GLYATL1: variants seen among roughly 807,000 people sequenced by gnomAD.
GLYATL1 encodes the protein glycine-N-acyltransferase like 1.
A neutral mutation model predicts 20.0 loss-of-function variants in GLYATL1; 15 were observed. The observed-to-expected ratio is 0.75, with a 90% CI of 0.50 to 1.15. The LOEUF (loss-of-function observed/expected upper bound fraction) is 1.15, where lower values mean the gene tolerates loss of function less well. Among genes scored for constraint, GLYATL1 ranks in the 50% most tolerant of loss-of-function variants. GLYATL1 has a pLI of 0.00. For missense variants in GLYATL1, 380 were observed against 368.5 expected, an observed-to-expected ratio of 1.03 and a Z score of -0.26; for synonymous variants, 151 against 131.5, an observed-to-expected ratio of 1.15 and a Z score of -1.01.
At chr11:58,937,298 C>T (rs549668505), upstream of GLYATL1, among the ~76,000 whole-genome samples, 1 of 152,328 alleles carries the variant, frequency 6.6e-6, no homozygotes, top group Admixed American at 6.5e-5. Flanking sequence ...TTAGGATGCT[C>T]CTTTGGACCT....
chr11:58,943,468 G>T (rs1174165952), intron 1 of GLYATL1, 75 bp from the exon 2 acceptor site: 1 of 1,535,376 alleles, frequency 6.5e-7, no homozygotes, highest in Non-Finnish European at 8.8e-7. Context: ...TTTGTAGGCT[G>T]CCGGATTCAC....
At chr11:58,909,048 C>T (rs1322915912), downstream of GLYATL1, among the ~76,000 whole-genome samples, 1 of 152,142 alleles carries the variant, frequency 6.6e-6, no homozygotes, top group Non-Finnish European at 1.5e-5. Flanking sequence ...TTGACCCACA[C>T]TATTTTGTTC....
At chr11:58,929,574 T>C (rs772337215) in intron 1 of GLYATL1, among the ~76,000 whole-genome samples, 1 of 152,238 alleles carries the variant, frequency 6.6e-6, no homozygotes, top group African/African-American at 2.4e-5. Flanking sequence ...CTTTTTGGTA[T>C]TGTACTCAAT....
At position 58,955,203 on chromosome 11, in the gene GLYATL1, T is replaced by A. The variant is rs772877079; in HGVS notation, c.341T>A (p.Ile114Lys). ...CTTCAAGAAAGTTTAGGTGAGGGGA[T>A]AAGAGTGGCTACATTTTCAAAGTCA... ...QGLQESLGEG[I>K]RVATFSKSVK... Residue 114 changes from isoleucine (I) to lysine (K), a missense_variant, in exon 6 of 7, where the codon ATA (isoleucine) becomes AAA (lysine). Transcript: ENST00000532726. The A allele has an allele frequency of 2.5e-6, 4 of 1,613,994 alleles. No homozygotes were observed. The highest frequency in any genetic ancestry group is 3.4e-6 in the Non-Finnish European group (4 of 1,179,956).
At chr11:58,916,121 C>T (rs746524161) in intron 1 of GLYATL1, among the ~76,000 whole-genome samples, 2 of 152,146 alleles carry the variant, frequency 1.3e-5, no homozygotes, top group Non-Finnish European at 2.9e-5. Context: ...ATTTGCTGTC[C>T]CTAGACTCTC....
At chr11:58,930,259 C>CA (rs1450128941) in intron 1 of GLYATL1, among the ~76,000 whole-genome samples, 4 of 152,148 alleles carry the variant, frequency 2.6e-5, no homozygotes, top group African/African-American at 9.7e-5. Context: ...CAAAATCTCA[C>CA]AAGGAACATA....
downstream of GLYATL1, among the ~76,000 whole-genome samples, chr11:58,912,234 G>A (rs909584383): frequency 3.3e-5 from 5 of 152,174 alleles, no homozygotes; most frequent in African/African-American, 1.2e-4. Context: ...TGTGACTTGT[G>A]CATTACTCTC....
chr11:58,910,465 T>G (rs1177810637), downstream of GLYATL1, among the ~76,000 whole-genome samples: 1 of 152,226 alleles, frequency 6.6e-6, no homozygotes, highest in Non-Finnish European at 1.5e-5. Flanking sequence ...ATACAAATTC[T>G]CATTTGCACT....
chr11:58,956,339 C>A lies in GLYATL1; in HGVS notation c.*312C>A. ...CTGGGAATCAGAACTCTTTATGCAA[C>A]TTGGTTAATAGAATCTACTATCTGG... On this transcript the variant is annotated 3_prime_UTR_variant, in exon 7 of 7. Coordinates refer to ENST00000532726, the MANE Select transcript of GLYATL1 (RefSeq NM_001389712.2). 1 of 319,128 alleles carries A rather than the reference C, an allele frequency of 3.1e-6. No individual in the cohort carries two copies. The highest frequency in any genetic ancestry group is 5.8e-6 in the Non-Finnish European group (1 of 173,862). 19.8% of individuals were successfully genotyped at this position (319,128 alleles called of 1,614,324 possible).
intron 4 of GLYATL1, among the ~76,000 whole-genome samples, chr11:58,952,593 G>A (rs1198240452): frequency 6.6e-6 from 1 of 152,170 alleles, no homozygotes; most frequent in Non-Finnish European, 1.5e-5. Context: ...GGGGGTACAT[G>A]TGCAGATTTG....
downstream of GLYATL1, among the ~76,000 whole-genome samples, chr11:58,910,406 A>T (rs1021756620): frequency 1.9e-4 from 29 of 152,204 alleles, no homozygotes; most frequent in Non-Finnish European, 5.9e-5. Flanking sequence ...ATCACATGTG[A>T]TTATTTAAAT....
In GLYATL1 at chr11:58,943,329, G is replaced by A. The variant is rs367855669; in HGVS notation, c.-166-214G>A. The A allele has an allele frequency of 4.5e-5, 69 of 1,550,508 alleles. No individual in the cohort carries two copies. In the African/African-American group the frequency reaches 4.7e-4, roughly 10 times the overall value. ...CAAACTGTGTTCAAATAAGGCAAGC[G>A]CCCAGTTGTAACCAATCTCTTTGTT... is the stretch of plus-strand genomic sequence containing the variant. On this transcript the variant is annotated intron_variant, in intron 1 of 6. Transcript: ENST00000532726.
intron 1 of GLYATL1, among the ~76,000 whole-genome samples, 173 bp downstream of exon 1, chr11:58,939,823 C>T (rs1856013783): frequency 6.6e-6 from 1 of 152,016 alleles, no homozygotes; most frequent in Admixed American, 6.6e-5. Context: ...TGTGTGTGTC[C>T]AGGCAAGTGA....
chr11:58,932,110 C>CA (rs5792141), intron 1 of GLYATL1, among the ~76,000 whole-genome samples: 39,144 of 61,718 alleles, frequency 0.63, 13,204 homozygotes, highest in Non-Finnish European at 0.73. Context: ...GACCCCTTCT[C>CA]AAAAAAAAAA....
chr11:58,955,635 C>G lies in GLYATL1; in HGVS notation c.517C>G (p.Gln173Glu), dbSNP rs375562453. 5.0e-6 allele frequency: 8 copies of G among 1,613,900 alleles called. No homozygotes were observed. Among genetic ancestry groups the G allele is most frequent in the Non-Finnish European group, 5.9e-6 (7 of 1,179,934 alleles). The change falls in exon 7 of 7, where the codon CAG becomes GAG. Residue 173 changes from glutamine to glutamate, a missense_variant. Physicochemically the swap from Gln to Glu is conservative, Grantham distance 29. Transcript: ENST00000532726. Reference sequence around the variant, plus strand: ...TGAAACTCCCAACTTTAAGTATGCCCAGCTGGATGTCTCTTATTCTGGGCT... The same window carrying G: ...TGAAACTCCCAACTTTAAGTATGCCGAGCTGGATGTCTCTTATTCTGGGCT... ...ESETPNFKYA[Q>E]LDVSYSGLVN...
intron 1 of GLYATL1, among the ~76,000 whole-genome samples, chr11:58,920,847 G>A (rs1045691119): frequency 5.9e-5 from 9 of 152,144 alleles, no homozygotes; most frequent in Admixed American, 4.6e-4. Flanking sequence ...GCACCAGTAG[G>A]GCAGTGGCAG....
chr11:58,907,261 C>T (rs1000168154), exon 2 of GLYATL1: 4 of 456,252 alleles, frequency 8.8e-6, no homozygotes, highest in Non-Finnish European at 1.8e-5. Context: ...AGGTTTGTGG[C>T]CTGTGATCTC....
upstream of GLYATL1, chr11:58,927,523 C>G (rs1318486091): frequency 6.6e-6 from 1 of 152,296 alleles, no homozygotes; most frequent in South Asian, 2.1e-4. Context: ...CCCCAGCCTC[C>G]CCTTGGGCTG....
In GLYATL1 at chr11:58,947,115, C is replaced by T. The variant is rs1856622253; in HGVS notation, c.28C>T (p.Leu10=). Residue 10 remains leucine (L), a synonymous_variant, in exon 3 of 7, where the codon CTG becomes TTG. Transcript: ENST00000532726. Reference sequence around the variant, plus strand: ...GATCCTACTGAATAACTCCCATAAGCTGCTGGCCCTATACAAATCCTTGGC... The same window carrying T: ...GATCCTACTGAATAACTCCCATAAGTTGCTGGCCCTATACAAATCCTTGGC... MILLNNSHK[L]LALYKSLARS... is the part of the protein sequence containing the mutation. The T allele has an allele frequency of 6.2e-7, 1 of 1,613,974 alleles. No individual in the cohort carries two copies. The highest frequency in any genetic ancestry group is 8.5e-7 in the Non-Finnish European group (1 of 1,179,820).
Sources: gnomAD v4.1 joint callset for allele counts (sites outside exome capture counted in the v4.1 genomes callset) on GRCh38, gnomAD v4.1.1 for gene constraint, MANE v1.5 for transcripts, NCBI Gene and HGNC (gene_info 2026-07-23, HGNC 2026-07-21) for gene names.